Variants in DOT1L observed in about 807,000 individuals in gnomAD.
DOT1L encodes the protein DOT1 like histone lysine methyltransferase.
A neutral mutation model predicts 153.3 loss-of-function variants in DOT1L; 33 were observed. The observed-to-expected ratio is 0.22, with a 90% confidence interval of 0.16 to 0.29. The LOEUF is 0.29. Among genes scored for constraint, DOT1L ranks in the 10% least tolerant of loss-of-function variants. The pLI is 1.00. For missense variants in DOT1L, 1,847 were observed against 2,119.9 expected, an observed-to-expected ratio of 0.87 and a Z score of 2.53; for synonymous variants, 1,135 against 965.1, an observed-to-expected ratio of 1.18 and a Z score of -3.26.
At chr19:2,223,163 A>G in intron 24 of DOT1L, 118 bp from the exon 25 acceptor site, 1 of 1,091,036 alleles carries the variant, frequency 9.2e-7, no homozygotes, top group South Asian at 1.4e-5. Context: ...TGGGCAGGGC[A>G]TCAGTTTCCT....
chr19:2,231,012 C>T lies in DOT1L; in HGVS notation c.*1220C>T, dbSNP rs1340627808. ...CTAGGCCCCAGGGTGACGTCGGCCC[C>T]CCACTCTGCAGCCTTGGCGGGTGCC... is the stretch of plus-strand genomic sequence containing the variant. On this transcript the variant is annotated 3_prime_UTR_variant, in exon 28 of 28. Transcript: ENST00000398665. 8.4e-6 allele frequency: 2 copies of T among 239,088 alleles called. No individual in the cohort carries two copies. The highest frequency in any genetic ancestry group is 1.6e-5 in the Non-Finnish European group (2 of 122,526). 14.8% of individuals were successfully genotyped at this position (239,088 alleles called of 1,614,324 possible).
chr19:2,166,290 T>G (rs1214101511), intron 1 of DOT1L, among the ~76,000 whole-genome samples: 1 of 149,850 alleles, frequency 6.7e-6, no homozygotes, highest in Non-Finnish European at 1.5e-5. Flanking sequence ...GAGACGGGGT[T>G]TCTCCATGTT....
Position 2,222,406 on chromosome 19 carries a change from C to T in DOT1L, c.3237C>T (p.His1079=), listed in dbSNP as rs373234615. 257 of 1,610,832 alleles carry T rather than the reference C, an allele frequency of 1.6e-4. No individual in the cohort carries two copies. Among genetic ancestry groups the T allele is most frequent in the South Asian group, 2.1e-4 (19 of 90,932 alleles). ...CCCGTGGGGACTGTGTGCCGAGCCA[C>T]GGGCAGGACAGTCGCAGGCGCGGCC... is the stretch of plus-strand genomic sequence containing the variant. ...ASARGDCVPS[H]GQDSRRRGRR... Residue 1079 remains histidine, a synonymous_variant, in exon 24 of 28, where the codon CAC becomes CAT. Coordinates refer to ENST00000398665, the MANE Select transcript of DOT1L (RefSeq NM_032482.3). The surrounding 1 kb of genome is among the most constrained non-coding windows in gnomAD (Gnocchi z 6.5).
In DOT1L at chr19:2,227,994, C is replaced by T. The variant is rs767049274; in HGVS notation, c.4606+867C>T. The T allele has an allele frequency of 2.7e-5, 35 of 1,287,364 alleles. 1 individual carries two copies. The highest frequency in any genetic ancestry group is 4.4e-4 in the Middle Eastern group (2 of 4,562). The allele number at this position is 1,287,364 out of a possible 1,614,324, so 79.7% of individuals were successfully genotyped here. ...GGGGCCGCCCGTCCTCCACGCCCCC[C>T]CTCCACCTAACGCCGCCTTGCCTCC... On this transcript the variant is annotated intron_variant, in intron 27 of 27. Coordinates refer to ENST00000398665, the MANE Select transcript of DOT1L (RefSeq NM_032482.3).
At chr19:2,228,389 C>A in intron 27 of DOT1L, 1 of 1,275,586 alleles carries the variant, frequency 7.8e-7, no homozygotes, top group Non-Finnish European at 1.0e-6. Flanking sequence ...TAAGGTAAGG[C>A]CAGAGCCCTG....
intron 8 of DOT1L, among the ~76,000 whole-genome samples, chr19:2,201,227 CTGCATTCCT>C (rs2144787007): frequency 6.7e-6 from 1 of 149,744 alleles, no homozygotes; most frequent in Non-Finnish European, 1.5e-5. Context: ...CTCGTCCTCC[CTGCATTCCT>C]CGTCCTCCCC....
chr19:2,199,395 CG>C (rs1303331006), intron 7 of DOT1L, among the ~76,000 whole-genome samples: 1 of 152,306 alleles, frequency 6.6e-6, no homozygotes, highest in East Asian at 1.9e-4. Flanking sequence ...TCAGCCTGGC[CG>C]AGTGTCGCTG....
At chr19:2,228,072 G>A (rs368189557) in intron 27 of DOT1L, 23 of 1,322,206 alleles carry the variant, frequency 1.7e-5, no homozygotes, top group African/African-American at 6.1e-5. Flanking sequence ...GCAGAGCCTC[G>A]CGTCCCTCCC....
chr19:2,166,468 G>C (rs915313916), intron 1 of DOT1L, among the ~76,000 whole-genome samples: 2 of 149,418 alleles, frequency 1.3e-5, no homozygotes, highest in Non-Finnish European at 3.0e-5. Context: ...CTGGAGTGCA[G>C]TGGTGCCATC....
In DOT1L at chr19:2,216,376, G is replaced by A. The variant is rs1259557993; in HGVS notation, c.2019G>A (p.Leu673=). 1 of 1,612,234 alleles carries A rather than the reference G, an allele frequency of 6.2e-7. No individual in the cohort carries two copies. Among genetic ancestry groups the A allele is most frequent in the Non-Finnish European group, 8.5e-7 (1 of 1,179,788 alleles). ...VPPDDALSLH[L]RGKGALGREL... ...CTGACGACGCCCTGTCCCTGCACCT[G>A]CGTGGGAAGGGCGCCCTGGGCCGCG... The change falls in exon 20 of 28, where the codon CTG becomes CTA. Residue 673 remains leucine, a synonymous_variant. Transcript: ENST00000398665.
At chr19:2,176,596 T>C (rs1436693059) in intron 1 of DOT1L, among the ~76,000 whole-genome samples, 1 of 152,166 alleles carries the variant, frequency 6.6e-6, no homozygotes, top group Non-Finnish European at 1.5e-5. Flanking sequence ...CATTCTCTGT[T>C]CCAGTAAGGC....
At chr19:2,206,602 G>C in intron 9 of DOT1L, 127 bp from the exon 10 acceptor site, 1 of 837,042 alleles carries the variant, frequency 1.2e-6, no homozygotes, top group Non-Finnish European at 2.0e-6. Flanking sequence ...CTTGTAGGCA[G>C]GTGGACAGGA....
intron 2 of DOT1L, among the ~76,000 whole-genome samples, chr19:2,181,771 C>A (rs1028873887): frequency 6.6e-6 from 1 of 151,228 alleles, no homozygotes; most frequent in African/African-American, 2.4e-5. Context: ...GCACCAGCCC[C>A]AGCCCCAGCC....
At position 2,230,324 on chromosome 19, in the gene DOT1L, C is replaced by T. The variant is rs1280901769; in HGVS notation, c.*532C>T. The T allele has an allele frequency of 2.4e-6, 1 of 415,380 alleles. No homozygotes were observed. The highest frequency in any genetic ancestry group is 2.1e-5 in the African/African-American group (1 of 48,688). 25.7% of individuals were successfully genotyped at this position (415,380 alleles called of 1,614,324 possible). A position where few individuals can be genotyped will look rare whatever the true frequency, so the allele number is the denominator to read the frequency against. On this transcript the variant is annotated 3_prime_UTR_variant, in exon 28 of 28. Coordinates refer to ENST00000398665, the MANE Select transcript of DOT1L (RefSeq NM_032482.3). ...TCGCCACCACATTCCTCGGAGGCCT[C>T]CCCGCGGCCTGAGCCCCTTCCTGAG...
Position 2,229,910 on chromosome 19 carries a change from C to CGGG in DOT1L, c.*119_*121dup, listed in dbSNP as rs900414385. ...CCTGGACGGCAGAGGCAAGGACGGA[C>CGGG]GGGAGCTCCACTGTGAATCGGCGGC... On this transcript the variant is annotated 3_prime_UTR_variant, in exon 28 of 28. Coordinates refer to ENST00000398665, the MANE Select transcript of DOT1L (RefSeq NM_032482.3). 6.3e-7 allele frequency: 1 copy of CGGG among 1,581,946 alleles called. No individual in the cohort carries two copies. The highest frequency in any genetic ancestry group is 8.6e-7 in the Non-Finnish European group (1 of 1,157,822).
intron 22 of DOT1L, 87 bp downstream of exon 22, chr19:2,218,005 T>C (rs2023968205): frequency 1.3e-6 from 2 of 1,518,748 alleles, no homozygotes; most frequent in African/African-American, 2.7e-5. Context: ...CTTTGCGAAG[T>C]CTCACGCTGT....
At chr19:2,212,935 A>C (rs1330242218) in intron 16 of DOT1L, 1 of 152,238 alleles carries the variant, frequency 6.6e-6, no homozygotes, top group East Asian at 1.9e-4. Flanking sequence ...AAGCCATTGG[A>C]GCCACAAGGT....
At chr19:2,172,463 A>G (rs533473485) in intron 1 of DOT1L, among the ~76,000 whole-genome samples, 1 of 150,522 alleles carries the variant, frequency 6.6e-6, no homozygotes, top group Non-Finnish European at 1.5e-5. Flanking sequence ...TGCTGGGATC[A>G]CAGGTGTGAG....
intron 1 of DOT1L, among the ~76,000 whole-genome samples, chr19:2,172,193 C>CTT (rs571890299): frequency 1.1e-4 from 16 of 144,120 alleles, no homozygotes; most frequent in South Asian, 2.2e-4. Context: ...CTTTTCTTTC[C>CTT]TTTTTTTTTT....
Sources: gnomAD v4.1 joint callset for allele counts (sites outside exome capture counted in the v4.1 genomes callset) on GRCh38, gnomAD v4.1.1 for gene constraint, Gnocchi (gnomAD v3.1) non-coding constraint, MANE v1.5 for transcripts, NCBI Gene and HGNC (gene_info 2026-07-23, HGNC 2026-07-21) for gene names.